The following JAKMIP1 variants were observed in gnomAD, a reference collection of about 807,000 sequenced individuals.
JAKMIP1 encodes janus kinase and microtubule-interacting protein 1.
In JAKMIP1, 33 loss-of-function variants were observed where a neutral mutation model predicts 113.0. That is an observed-to-expected ratio of 0.29 (90% CI 0.22 to 0.39). The LOEUF (loss-of-function observed/expected upper bound fraction) is 0.39, where lower values mean the gene tolerates loss of function less well. JAKMIP1 is among the 10% of genes least tolerant of loss of function. The pLI is 1.00. For synonymous variants in JAKMIP1, 480 were observed against 459.9 expected (o/e 1.04, Z -0.56); for missense variants, 813 against 1,080.5 (o/e 0.75, Z 3.47).
Position 6,158,031 on chromosome 4 carries a change from T to C in JAKMIP1, c.-148+42222A>G, listed in dbSNP as rs1453048598. ...TATCTGGGCCACATTTCCAGGGCTA[T>C]GTGCTATGAGGTAGGGCTCAAGCTG... On this transcript the variant is annotated intron_variant, in intron 1 of 20. Coordinates refer to ENST00000409021, the MANE Select transcript of JAKMIP1 (RefSeq NM_001099433.2). This position sits in a 1 kb window ranked among gnomAD's most constrained non-coding sequence, Gnocchi z 5.3. 6.6e-6 allele frequency among the ~76,000 whole-genome samples: 1 copy of C among 152,222 alleles called. No homozygotes were observed. The highest frequency in any genetic ancestry group is 1.5e-5 in the Non-Finnish European group (1 of 68,040).
intron 1 of JAKMIP1, among the ~76,000 whole-genome samples, chr4:6,189,843 A>G (rs1234633690): frequency 6.6e-6 from 1 of 152,212 alleles, no homozygotes; most frequent in African/African-American, 2.4e-5. Context: ...AGGCAGATCT[A>G]TCAAAGGGAA....
chr4:6,113,420 G>A (rs946047522), intron 1 of JAKMIP1, among the ~76,000 whole-genome samples: 7 of 152,112 alleles, frequency 4.6e-5, no homozygotes, highest in East Asian at 3.9e-4. Context: ...TGAGGAGCAT[G>A]GTGGTCCAGG....
intron 11 of JAKMIP1, among the ~76,000 whole-genome samples, chr4:6,058,013 G>C (rs78813290): frequency 6.6e-6 from 1 of 152,242 alleles, no homozygotes; most frequent in African/African-American, 2.4e-5. Context: ...AAGTATTGGG[G>C]TGGTTTGTTA....
rs1720074854 is a variant in JAKMIP1, at chr4:6,141,078, C to A, written c.-147-28081G>T. On this transcript the variant is annotated intron_variant, in intron 1 of 20. Coordinates refer to ENST00000409021, the MANE Select transcript of JAKMIP1 (RefSeq NM_001099433.2). The surrounding 1 kb of genome is among the most constrained non-coding windows in gnomAD (Gnocchi z 9.4). ...CTGCCCAGCATTCACAGCGAAGAAG[C>A]CTCAGTCAGTCACTACCATCCTAAT... 6.6e-6 allele frequency among the ~76,000 whole-genome samples: 1 copy of A among 152,186 alleles called. No individual in the cohort carries two copies. Among genetic ancestry groups the A allele is most frequent in the Non-Finnish European group, 1.5e-5 (1 of 68,036 alleles).
At position 6,178,712 on chromosome 4, in the gene JAKMIP1, C is replaced by T. The variant is rs937214116; in HGVS notation, c.-148+21541G>A. Among the ~76,000 whole-genome samples the T allele has an allele frequency of 1.3e-5, 2 of 152,164 alleles. No homozygotes were observed. The highest frequency in any genetic ancestry group is 4.8e-5 in the African/African-American group (2 of 41,428). ...TAAACCTCTTTTCTTTATAAATTCC[C>T]GTCACAGGTATGTCTTTATTAGCAA... On this transcript the variant is annotated intron_variant, in intron 1 of 20. Transcript: ENST00000409021. The surrounding 1 kb of genome is among the most constrained non-coding windows in gnomAD (Gnocchi z 5.5).
intron 18 of JAKMIP1, among the ~76,000 whole-genome samples, chr4:6,039,863 C>T (rs926049288): frequency 2.0e-5 from 3 of 152,070 alleles, no homozygotes; most frequent in Non-Finnish European, 4.4e-5. Context: ...GTTTTAAAGT[C>T]ATTTTTTTTT....
At chr4:6,118,130 A>G (rs1452344594) in intron 1 of JAKMIP1, among the ~76,000 whole-genome samples, 1 of 152,266 alleles carries the variant, frequency 6.6e-6, no homozygotes, top group African/African-American at 2.4e-5. Context: ...TTTACAATTT[A>G]TGTTTAGAGA....
At chr4:6,175,667 C>G (rs1171120601) in intron 1 of JAKMIP1, among the ~76,000 whole-genome samples, 3 of 152,210 alleles carry the variant, frequency 2.0e-5, no homozygotes, top group Non-Finnish European at 4.4e-5. Context: ...CAGCTCCACC[C>G]AGGCAGATGG....
rs755687589 is a variant in JAKMIP1 at position 6,026,204 on chromosome 4, C to A, written c.*24G>T. The A allele has an allele frequency of 2.4e-5, 37 of 1,546,798 alleles. No homozygotes were observed. The highest frequency in any genetic ancestry group is 3.3e-4 in the Middle Eastern group (2 of 5,996). On this transcript the variant is annotated 3_prime_UTR_variant, in exon 21 of 21. Transcript: ENST00000409021. ...CTGCGAAAAGGAAAGGATACCAACC[C>A]GAGTTCTTGGCTCACTGAAGTCATC...
At chr4:6,035,839 C>A in intron 19 of JAKMIP1, 65 bp downstream of exon 19, 3 of 1,394,690 alleles carry the variant, frequency 2.2e-6, no homozygotes, top group Non-Finnish European at 2.9e-6. Flanking sequence ...CATCAGGGTG[C>A]CAAGGTGCAC....
In JAKMIP1 at chr4:6,188,986, G is replaced by C. The variant is rs1301162693; in HGVS notation, c.-148+11267C>G. ...CCTCGTCAAGCCCTGAGCCTGGAAG[G>C]CTCCAAGACTTGCTGAGGAAATCCA... On this transcript the variant is annotated intron_variant, in intron 1 of 20. Coordinates refer to ENST00000409021, the MANE Select transcript of JAKMIP1 (RefSeq NM_001099433.2). The surrounding 1 kb of genome is among the most constrained non-coding windows in gnomAD (Gnocchi z 5.8). 6.6e-6 allele frequency among the ~76,000 whole-genome samples: 1 copy of C among 152,196 alleles called. No individual in the cohort carries two copies. Among genetic ancestry groups the C allele is most frequent in the African/African-American group, 2.4e-5 (1 of 41,448 alleles).
chr4:6,171,242 CCACCAT>C (rs1724659987), intron 1 of JAKMIP1, among the ~76,000 whole-genome samples: 1 of 144,256 alleles, frequency 6.9e-6, no homozygotes, highest in African/African-American at 2.5e-5. Context: ...CACTGCCATA[CCACCAT>C]CACCATCACA....
chr4:6,081,545 G>A lies in JAKMIP1; in HGVS notation c.1101+64C>T, dbSNP rs985666935. On this transcript the variant is annotated intron_variant, in intron 6 of 20. Coordinates refer to ENST00000409021, the MANE Select transcript of JAKMIP1 (RefSeq NM_001099433.2). This position sits in a 1 kb window ranked among gnomAD's most constrained non-coding sequence, Gnocchi z 4.6. Reference sequence around the variant, plus strand: ...CAGAACATGTGAATCGGGAGGTTCAGGGCTGAAGAATCCCAGACAGAGAAG... The same window carrying A: ...CAGAACATGTGAATCGGGAGGTTCAAGGCTGAAGAATCCCAGACAGAGAAG... 34 of 1,592,738 alleles carry A rather than the reference G, an allele frequency of 2.1e-5. No individual in the cohort carries two copies. Among genetic ancestry groups the A allele is most frequent in the Admixed American group, 5.0e-5 (3 of 59,414 alleles).
chr4:6,035,602 A>G (rs954311676), intron 19 of JAKMIP1, among the ~76,000 whole-genome samples: 2 of 152,202 alleles, frequency 1.3e-5, no homozygotes, highest in African/African-American at 2.4e-5. Flanking sequence ...CCTCCCCGTA[A>G]CCAGCATCTG....
chr4:6,091,859 G>A (rs1481622444), intron 3 of JAKMIP1, among the ~76,000 whole-genome samples: 1 of 152,186 alleles, frequency 6.6e-6, no homozygotes, highest in Non-Finnish European at 1.5e-5. Flanking sequence ...ATAGCTGGAT[G>A]AGGACTTTAA....
chr4:6,160,512 C>T (rs1347325507), intron 1 of JAKMIP1, among the ~76,000 whole-genome samples: 3 of 152,132 alleles, frequency 2.0e-5, no homozygotes, highest in Non-Finnish European at 2.9e-5. Flanking sequence ...GCTTCCCTCC[C>T]GCATGCTGCA....
At chr4:6,190,864 C>A (rs1256086747) in intron 1 of JAKMIP1, among the ~76,000 whole-genome samples, 1 of 152,190 alleles carries the variant, frequency 6.6e-6, no homozygotes, top group Non-Finnish European at 1.5e-5. Context: ...CCCATAGTCC[C>A]CTCCTGGGTC....
Position 6,076,061 on chromosome 4 carries a change from G to A in JAKMIP1, c.1302+2878C>T, listed in dbSNP as rs553751292. Among the ~76,000 whole-genome samples, 14 of 152,136 alleles carry A rather than the reference G, an allele frequency of 9.2e-5. No individual in the cohort carries two copies. The East Asian group carries it at 1.4e-3, about 15-fold the overall frequency. ...CGTGGTGGCACATGCCTGTAATCTC[G>A]GCTACTTGGGAGGCTGAGGCAGGAG... On this transcript the variant is annotated intron_variant, in intron 8 of 20. Coordinates refer to ENST00000409021, the MANE Select transcript of JAKMIP1 (RefSeq NM_001099433.2). This position sits in a 1 kb window ranked among gnomAD's most constrained non-coding sequence, Gnocchi z 4.8.
chr4:6,054,694 C>T (rs1716116553), intron 12 of JAKMIP1: 2 of 455,904 alleles, frequency 4.4e-6, no homozygotes, highest in South Asian at 1.5e-5. Context: ...CCGCCTGCAT[C>T]CCAGACCCAG....
Sources: allele counts gnomAD v4.1 joint callset (sites outside exome capture counted in the v4.1 genomes callset), GRCh38; gene constraint gnomAD v4.1.1; non-coding constraint Gnocchi (gnomAD v3.1); transcripts MANE v1.5; gene names NCBI Gene and HGNC (gene_info 2026-07-23, HGNC 2026-07-21).